The following ENDOU variants were observed in gnomAD, a reference collection of about 807,000 sequenced individuals.
The protein encoded by ENDOU is endonuclease, poly(U) specific, also known as uridylate-specific endoribonuclease.
ENDOU carries 49 observed loss-of-function variants against 54.2 expected under a neutral mutation model. That is an observed-to-expected ratio of 0.90 (90% CI 0.72 to 1.15). The LOEUF is 1.15. ENDOU is among the 50% of genes most tolerant of loss of function. The pLI is 0.00. For synonymous variants in ENDOU, 172 were observed against 190.5 expected (o/e 0.90, Z 0.80); for missense variants, 458 against 511.4 (o/e 0.90, Z 1.01).
intron 6 of ENDOU, 93 bp from the exon 7 acceptor site, chr12:47,713,481 C>T (rs555235712): frequency 1.3e-5 from 10 of 780,662 alleles, no homozygotes; most frequent in Admixed American, 4.0e-5. Flanking sequence ...TGCTCCCACA[C>T]GTCAAGAAAC....
chr12:47,713,512 T>C lies in ENDOU; in HGVS notation c.752-124A>G, dbSNP rs1248686991. On this transcript the variant is annotated intron_variant, in intron 6 of 9. Transcript: ENST00000422538. ...GAAACATGTGGGTTCAATCAACAAATGTGTTCGGCTGTTAATTCAATGATT... is the reference window on the plus strand; with the variant it reads ...GAAACATGTGGGTTCAATCAACAAACGTGTTCGGCTGTTAATTCAATGATT... The C allele has an allele frequency of 4.1e-5, 27 of 664,402 alleles. No homozygotes were observed. In the Admixed American group the frequency reaches 6.0e-4, roughly 15 times the overall value. The allele number at this position is 664,402 out of a possible 1,614,324, so 41.2% of individuals were successfully genotyped here. A position where few individuals can be genotyped will look rare whatever the true frequency, so the allele number is the denominator to read the frequency against.
chr12:47,719,861 C>T (rs1295844648), intron 2 of ENDOU: 2 of 152,192 alleles, frequency 1.3e-5, no homozygotes, highest in African/African-American at 2.4e-5. Context: ...TGGCTACCAC[C>T]TTTGGGCAAA....
chr12:47,717,467 C>T (rs1264631559), intron 4 of ENDOU, 51 bp downstream of exon 4: 3 of 1,596,384 alleles, frequency 1.9e-6, no homozygotes, highest in African/African-American at 2.7e-5. Flanking sequence ...TGAGAACCTG[C>T]TCTAAAGTCC....
At chr12:47,722,553 G>A (rs1367757423) in intron 1 of ENDOU, among the ~76,000 whole-genome samples, 1 of 152,206 alleles carries the variant, frequency 6.6e-6, no homozygotes, top group African/African-American at 2.4e-5. Flanking sequence ...TGAATAAACG[G>A]TGGCAATATT....
At chr12:47,712,472 G>A in intron 8 of ENDOU, 44 bp downstream of exon 8, 1 of 1,422,424 alleles carries the variant, frequency 7.0e-7, no homozygotes, top group Non-Finnish European at 9.9e-7. Flanking sequence ...AGTGAGAGCA[G>A]GATATCTGGG....
intron 8 of ENDOU, 39 bp downstream of exon 8, chr12:47,712,477 T>G: frequency 4.1e-6 from 6 of 1,462,474 alleles, no homozygotes; most frequent in Non-Finnish European, 5.7e-6. Flanking sequence ...GAGCAGGATA[T>G]CTGGGCTCTG....
At chr12:47,711,050 A>G in intron 9 of ENDOU, 131 bp from the exon 10 acceptor site, 3 of 525,614 alleles carry the variant, frequency 5.7e-6, no homozygotes, top group South Asian at 6.4e-5. Context: ...CAGAGCTGGC[A>G]CTGCTTTCTT....
At chr12:47,712,195 C>T (rs1018922394) in intron 8 of ENDOU, among the ~76,000 whole-genome samples, 9 of 152,308 alleles carry the variant, frequency 5.9e-5, no homozygotes, top group East Asian at 1.9e-4. Flanking sequence ...CTTTCAGCCA[C>T]GTTCTAAGGA....
At chr12:47,722,431 T>C (rs1158038624) in intron 1 of ENDOU, among the ~76,000 whole-genome samples, 1 of 152,220 alleles carries the variant, frequency 6.6e-6, no homozygotes, top group Non-Finnish European at 1.5e-5. Flanking sequence ...AAAAGTGGGA[T>C]GATAATGGAG....
chr12:47,718,037 G>T, intron 3 of ENDOU, 92 bp downstream of exon 3: 1 of 1,123,148 alleles, frequency 8.9e-7, no homozygotes, highest in Non-Finnish European at 1.3e-6. Context: ...TGAGGCCTGG[G>T]CCTGGTGCCA....
chr12:47,716,830 G>A (rs2524317), intron 5 of ENDOU, 60 bp downstream of exon 5: 394,618 of 1,560,332 alleles, frequency 0.25, 51,709 homozygotes, highest in East Asian at 0.34. Flanking sequence ...TCGAGACATC[G>A]AAAGAAGCAA....
rs538549553 is a variant in ENDOU, at chr12:47,716,592, G to A, written c.552-93C>T. ...CTAGACAGGCCAGGGGCAGACAGGCGAGGGCTGGGTTCAGGAGCCGAGGGG... is the reference window on the plus strand; with the variant it reads ...CTAGACAGGCCAGGGGCAGACAGGCAAGGGCTGGGTTCAGGAGCCGAGGGG... On this transcript the variant is annotated intron_variant, in intron 5 of 9. Transcript: ENST00000422538. The A allele has an allele frequency of 1.2e-4, 154 of 1,233,374 alleles. No individual in the cohort carries two copies. The African/African-American group carries it at 1.7e-3, about 14-fold the overall frequency. 76.4% of individuals were successfully genotyped at this position (1,233,374 alleles called of 1,614,324 possible). A position where few individuals can be genotyped will look rare whatever the true frequency, so the allele number is the denominator to read the frequency against.
intron 4 of ENDOU, 27 bp from the exon 5 acceptor site, chr12:47,717,085 C>T (rs1474595068): frequency 3.1e-6 from 5 of 1,610,368 alleles, no homozygotes; most frequent in East Asian, 4.5e-5. Context: ...GAGGGGTGGC[C>T]TCAGAGCCAG....
At chr12:47,725,224 G>A (rs2136697740) in intron 1 of ENDOU, 135 bp downstream of exon 1, 1 of 923,224 alleles carries the variant, frequency 1.1e-6, no homozygotes. Flanking sequence ...ACCCAAAAGT[G>A]CTCTGCGGCT....
intron 6 of ENDOU, 143 bp from the exon 7 acceptor site, chr12:47,713,531 AATG>A (rs1940115580): frequency 1.6e-6 from 1 of 631,670 alleles, no homozygotes; most frequent in African/African-American, 1.8e-5. Flanking sequence ...CTGTTAATTC[AATG>A]ATTATCTATG....
At position 47,717,672 on chromosome 12, in the gene ENDOU, G is replaced by A; in HGVS notation, c.245-17C>T. On this transcript the variant is annotated splice_polypyrimidine_tract_variant and intron_variant, in intron 3 of 9. Transcript: ENST00000422538. ...AGTACAAGTCTGAGAAGAGAGGGGT[G>A]GTGTGTCCCGGGCTGACCTCTAGAG... 6.2e-7 allele frequency: 1 copy of A among 1,613,094 alleles called. No homozygotes were observed. The highest frequency in any genetic ancestry group is 1.7e-5 in the Admixed American group (1 of 59,968).
Position 47,720,816 on chromosome 12 carries a change from G to T in ENDOU, c.115C>A (p.Gln39Lys). Residue 39 changes from glutamine (Q) to lysine (K), a missense_variant, in exon 2 of 10, where the codon CAG (glutamine) becomes AAG (lysine). Physicochemically the swap from Gln to Lys is moderately conservative, Grantham distance 53. Transcript: ENST00000422538. ...TGCCAGAGACACCGGCGGTCACACT[G>T]GCAGGCAGCGTCCCGGTTAAATTTC... Reference protein sequence around the residue: ...NEKFNRDAACQCDRRCLWHGN... With the variant: ...NEKFNRDAACKCDRRCLWHGN... 1 of 1,536,080 alleles carries T rather than the reference G, an allele frequency of 6.5e-7. No individual in the cohort carries two copies. The highest frequency in any genetic ancestry group is 2.4e-5 in the East Asian group (1 of 40,922).
chr12:47,717,243 C>T (rs1490310459), intron 4 of ENDOU, among the ~76,000 whole-genome samples, 185 bp from the exon 5 acceptor site: 5 of 152,204 alleles, frequency 3.3e-5, no homozygotes, highest in Non-Finnish European at 5.9e-5. Flanking sequence ...AATCACCACA[C>T]GGCATTGCCC....
chr12:47,717,492 C>T (rs759437997), intron 4 of ENDOU, 26 bp downstream of exon 4: 21 of 1,610,850 alleles, frequency 1.3e-5, no homozygotes, highest in Non-Finnish European at 1.8e-5. Flanking sequence ...GTCTCTGCAG[C>T]TTAGCTAAGG....
Sources: gnomAD v4.1 joint callset for allele counts (sites outside exome capture counted in the v4.1 genomes callset) on GRCh38, gnomAD v4.1.1 for gene constraint, MANE v1.5 for transcripts, NCBI Gene and HGNC (gene_info 2026-07-23, HGNC 2026-07-21) for gene names.